EWSR1: variants seen among roughly 807,000 people sequenced by gnomAD.
The protein encoded by EWSR1 is EWS RNA binding protein 1, also known as RNA-binding protein EWS.
EWSR1 carries 14 observed loss-of-function variants against 92.1 expected under a neutral mutation model. The ratio of observed to expected loss-of-function variants is 0.15; its 90% CI spans 0.10 to 0.24. The LOEUF is 0.24. EWSR1 is among the 10% of genes least tolerant of loss of function. The probability of loss-of-function intolerance (pLI) is 1.00; values close to 1 mark genes in which losing one functional copy is unlikely to be tolerated. For synonymous variants in EWSR1, 303 were observed against 292.9 expected (o/e 1.03, Z -0.35); for missense variants, 637 against 870.9 (o/e 0.73, Z 3.38).
rs2060095195 is a variant in EWSR1, at chr22:29,286,963, T to C, written c.622T>C (p.Tyr208His). The C allele has an allele frequency of 1.2e-6, 2 of 1,613,632 alleles. No individual in the cohort carries two copies. The highest frequency in any genetic ancestry group is 3.3e-5 in the Admixed American group (2 of 59,942). Reference protein sequence around the residue: ...TQPTSYDQSSYSQQNTYGQPS... With the variant: ...TQPTSYDQSSHSQQNTYGQPS... Reference sequence around the variant, plus strand: ...GCCGACTAGTTATGATCAGAGCAGTTACTCTCAGCAGAACACCTATGGGCA... The same window carrying C: ...GCCGACTAGTTATGATCAGAGCAGTCACTCTCAGCAGAACACCTATGGGCA... The change falls in exon 7 of 17, where the codon TAC (tyrosine) becomes CAC (histidine). Residue 208 changes from tyrosine to histidine, a missense_variant. Around this residue, in one of 5 missense-constraint regions of EWSR1, gnomAD observed 116 missense variants for 167.8 expected, o/e 0.69. Transcript: ENST00000397938.
intron 4 of EWSR1, 25 bp from the exon 5 acceptor site, chr22:29,278,005 C>G (rs1489685825): frequency 1.2e-6 from 2 of 1,602,974 alleles, no homozygotes; most frequent in South Asian, 2.2e-5. Context: ...GACCTGAAAT[C>G]TGATGCAGCT....
chr22:29,292,238 C>G, intron 10 of EWSR1, 69 bp downstream of exon 10: 5 of 1,449,374 alleles, frequency 3.4e-6, no homozygotes, highest in South Asian at 1.1e-5. Context: ...TAAATGCATG[C>G]GTAGAGTTCA....
chr22:29,285,131 T>TG (rs2059928366), intron 6 of EWSR1, among the ~76,000 whole-genome samples: 1 of 146,162 alleles, frequency 6.8e-6, no homozygotes, highest in South Asian at 2.1e-4. Flanking sequence ...TGTTTTTTTT[T>TG]TTTTTTTTTT....
At chr22:29,280,062 C>G (rs1022897336) in intron 5 of EWSR1, among the ~76,000 whole-genome samples, 3 of 152,142 alleles carry the variant, frequency 2.0e-5, no homozygotes, top group Non-Finnish European at 4.4e-5. Context: ...CACACCCTCT[C>G]TGGTTTTTCT....
chr22:29,282,190 C>T (rs1344460791), intron 5 of EWSR1, among the ~76,000 whole-genome samples, 200 bp from the exon 6 acceptor site: 1 of 152,114 alleles, frequency 6.6e-6, no homozygotes, highest in Non-Finnish European at 1.5e-5. Context: ...GTGTTGTCTT[C>T]AAGCAAATAT....
At chr22:29,272,923 T>G (rs1432202685) in intron 3 of EWSR1, among the ~76,000 whole-genome samples, 2 of 152,204 alleles carry the variant, frequency 1.3e-5, no homozygotes, top group African/African-American at 4.8e-5. Flanking sequence ...GCCAACAGAT[T>G]CTAGAAATTA....
chr22:29,300,478 GT>G lies in EWSR1; in HGVS notation c.*333del, dbSNP rs76631619. The G allele has an allele frequency of 0.058, 10,626 of 184,476 alleles. No individual in the cohort carries two copies. Among genetic ancestry groups the G allele is most frequent in the East Asian group, 0.12 (1,282 of 11,104 alleles). 11.4% of individuals were successfully genotyped at this position (184,476 alleles called of 1,614,324 possible). ...CTGTAACAATGTTCATGGTTGTGAT[GT>G]TTTTTTTTTTTTTTTAAATAAAATT... On this transcript the variant is annotated 3_prime_UTR_variant, in exon 17 of 17. Coordinates refer to ENST00000397938, the MANE Select transcript of EWSR1 (RefSeq NM_005243.4).
chr22:29,290,038 G>A (rs1044767857), intron 8 of EWSR1: 46 of 237,198 alleles, frequency 1.9e-4, no homozygotes, highest in African/African-American at 9.9e-4. Flanking sequence ...TTTTTAAATT[G>A]CAAATACAAT....
intron 12 of EWSR1, 78 bp from the exon 13 acceptor site, chr22:29,297,749 G>A: frequency 6.4e-7 from 1 of 1,570,144 alleles, no homozygotes; most frequent in Non-Finnish European, 8.7e-7. Flanking sequence ...GCATCTGGGA[G>A]TGGTCATTTG....
At chr22:29,300,000 GGGC>G in intron 16 of EWSR1, 119 bp from the exon 17 acceptor site, 12 of 951,150 alleles carry the variant, frequency 1.3e-5, no homozygotes, top group Admixed American at 3.2e-5. Context: ...GGCTCTGGAA[GGGC>G]TTCCTCACCC....
At chr22:29,280,699 G>A (rs1321194098) in intron 5 of EWSR1, among the ~76,000 whole-genome samples, 3 of 148,756 alleles carry the variant, frequency 2.0e-5, no homozygotes, top group Non-Finnish European at 4.5e-5. Flanking sequence ...TTAAGATGGA[G>A]TTTTGCTCTT....
intron 5 of EWSR1, among the ~76,000 whole-genome samples, chr22:29,280,792 G>A (rs911256779): frequency 4.8e-5 from 7 of 146,778 alleles, no homozygotes; most frequent in Admixed American, 3.5e-4. Flanking sequence ...TCCTGCCTCA[G>A]CCTCCTGAGT....
At chr22:29,298,436 G>GGT (rs2061044573) in intron 13 of EWSR1, among the ~76,000 whole-genome samples, 1 of 151,986 alleles carries the variant, frequency 6.6e-6, no homozygotes, top group African/African-American at 2.4e-5. Flanking sequence ...AATCTGGGGG[G>GGT]GTGGAGGTTG....
At chr22:29,292,743 C>T in intron 11 of EWSR1, 137 bp downstream of exon 11, 3 of 482,648 alleles carry the variant, frequency 6.2e-6, no homozygotes, top group Admixed American at 3.3e-5. Context: ...TGGTTTGTTC[C>T]TTTTTAAAAA....
At chr22:29,286,851 T>C (rs2060081241) in intron 6 of EWSR1, 72 bp from the exon 7 acceptor site, 2 of 1,184,022 alleles carry the variant, frequency 1.7e-6, no homozygotes, top group Non-Finnish European at 2.5e-6. Flanking sequence ...ATGTCTCTTT[T>C]ATTCAGGGGA....
intron 6 of EWSR1, among the ~76,000 whole-genome samples, chr22:29,284,799 G>T (rs945701800): frequency 2.0e-5 from 3 of 151,098 alleles, no homozygotes; most frequent in African/African-American, 7.4e-5. Flanking sequence ...TACCAGATGG[G>T]TTTTTTTGTT....
intron 1 of EWSR1, among the ~76,000 whole-genome samples, chr22:29,271,347 A>G (rs1207127120): frequency 1.3e-5 from 2 of 152,178 alleles, no homozygotes; most frequent in African/African-American, 2.4e-5. Flanking sequence ...TGTTTTTACT[A>G]CTTGTAGACA....
In EWSR1 at chr22:29,288,388, T is replaced by A. The variant is rs72547437; in HGVS notation, c.794-218T>A. 3.5e-4 allele frequency among the ~76,000 whole-genome samples: 53 copies of A among 152,370 alleles called. No individual in the cohort carries two copies. The East Asian group carries it at 9.4e-3, about 27-fold the overall frequency. The stretch of plus-strand genomic sequence containing the variant: ...GTTGTTGTTATTTAGAAGAGGTTTA[T>A]TATAGGCTAACTATATAAGGTTATT... On this transcript the variant is annotated intron_variant, in intron 7 of 16. Coordinates refer to ENST00000397938, the MANE Select transcript of EWSR1 (RefSeq NM_005243.4).
rs746797640 is a variant in EWSR1 at position 29,272,397 on chromosome 22, C to T, written c.68C>T (p.Ala23Val). 3.1e-6 allele frequency: 5 copies of T among 1,613,170 alleles called. No individual in the cohort carries two copies. Among genetic ancestry groups the T allele is most frequent in the East Asian group, 2.2e-5 (1 of 44,896 alleles). ...AAQQGYSAYT[A>V]QPTQGYAQTT... is the part of the protein sequence containing the mutation. ...TTTTGCAGCTACAGTGCTTACACCG[C>T]CCAGCCCACTCAAGGATATGCACAG... is the stretch of plus-strand genomic sequence containing the variant. The change falls in exon 3 of 17, where the codon GCC (alanine) becomes GTC (valine). Residue 23 changes from alanine (A) to valine (V), a missense_variant. Ala to Val is a moderately conservative substitution (Grantham distance 64). Around this residue, in one of 5 missense-constraint regions of EWSR1, gnomAD observed 144 missense variants for 189.0 expected, o/e 0.76. Coordinates refer to ENST00000397938, the MANE Select transcript of EWSR1 (RefSeq NM_005243.4).
Sources: gnomAD v4.1 joint callset for allele counts (sites outside exome capture counted in the v4.1 genomes callset) on GRCh38, gnomAD v4.1.1 for gene constraint, gnomAD v4.1.1 regional missense constraint, MANE v1.5 for transcripts, NCBI Gene and HGNC (gene_info 2026-07-23, HGNC 2026-07-21) for gene names.